Variants in AKAP7 observed in about 807,000 individuals in gnomAD.
AKAP7 encodes the protein A kinase (PRKA) anchor protein 7.
AKAP7 carries 39 observed loss-of-function variants against 39.5 expected under a neutral mutation model. The ratio of observed to expected loss-of-function variants is 0.99; its 90% CI spans 0.76 to 1.29. The LOEUF (loss-of-function observed/expected upper bound fraction) is 1.29, where lower values mean the gene tolerates loss of function less well. Among genes scored for constraint, AKAP7 ranks in the 50% most tolerant of loss-of-function variants. AKAP7 has a pLI of 0.00. For synonymous variants in AKAP7, 140 were observed against 139.1 expected (o/e 1.01, Z -0.05); for missense variants, 414 against 407.7 (o/e 1.02, Z -0.13).
intron 7 of AKAP7, among the ~76,000 whole-genome samples, chr6:131,220,269 T>C (rs561039289): frequency 6.6e-6 from 1 of 152,246 alleles, no homozygotes; most frequent in African/African-American, 2.4e-5. Context: ...CTTTCTTCCC[T>C]AAAAAAGATG....
At position 131,281,138 on chromosome 6, in the gene AKAP7, T is replaced by G. The variant is rs1427076318; in HGVS notation, c.851-392T>G. 6.6e-6 allele frequency among the ~76,000 whole-genome samples: 1 copy of G among 152,214 alleles called. No individual in the cohort carries two copies. The highest frequency in any genetic ancestry group is 1.9e-4 in the East Asian group (1 of 5,198). Reference sequence around the variant, plus strand: ...CTAGGGAAATCTTGATGACCTGATATTTGATATTCGAGAATGAGAAGCAGA... The same window carrying G: ...CTAGGGAAATCTTGATGACCTGATAGTTGATATTCGAGAATGAGAAGCAGA... On this transcript the variant is annotated intron_variant, in intron 7 of 7. Coordinates refer to ENST00000431975, the MANE Select transcript of AKAP7 (RefSeq NM_016377.4). The surrounding 1 kb of genome is among the most constrained non-coding windows in gnomAD (Gnocchi z 4.0).
chr6:131,281,100 A>G lies in AKAP7; in HGVS notation c.851-430A>G, dbSNP rs1815158846. Among the ~76,000 whole-genome samples the G allele has an allele frequency of 6.6e-6, 1 of 152,220 alleles. No homozygotes were observed. Among genetic ancestry groups the G allele is most frequent in the Non-Finnish European group, 1.5e-5 (1 of 68,034 alleles). On this transcript the variant is annotated intron_variant, in intron 7 of 7. Coordinates refer to ENST00000431975, the MANE Select transcript of AKAP7 (RefSeq NM_016377.4). The surrounding 1 kb of genome is among the most constrained non-coding windows in gnomAD (Gnocchi z 4.0). ...CAAGCATTTTTAAATTAGTGATCTT[A>G]AGTAATGAGATGCTAGGGAAATCTT...
intron 6 of AKAP7, among the ~76,000 whole-genome samples, chr6:131,202,939 G>C (rs891456446): frequency 6.6e-6 from 1 of 151,988 alleles, no homozygotes; most frequent in Non-Finnish European, 1.5e-5. Context: ...CAAGTCAGCC[G>C]GCGTACTGGT....
intron 6 of AKAP7, among the ~76,000 whole-genome samples, chr6:131,212,383 T>A (rs1002412461): frequency 6.6e-6 from 1 of 152,228 alleles, no homozygotes; most frequent in Non-Finnish European, 1.5e-5. Flanking sequence ...GGGCTACACA[T>A]GATTCTTGGG....
chr6:131,164,155 A>G (rs1803246733), intron 3 of AKAP7, among the ~76,000 whole-genome samples: 1 of 151,712 alleles, frequency 6.6e-6, no homozygotes, highest in Non-Finnish European at 1.5e-5. Flanking sequence ...CTGCTTTTTT[A>G]TGGATTCTGC....
At chr6:131,175,097 T>C (rs1804448325) in intron 5 of AKAP7, among the ~76,000 whole-genome samples, 1 of 152,210 alleles carries the variant, frequency 6.6e-6, no homozygotes, top group South Asian at 2.1e-4. Flanking sequence ...AAGAAGATGC[T>C]ATTAAGAGAA....
chr6:131,240,089 T>C (rs946826420), intron 7 of AKAP7, among the ~76,000 whole-genome samples: 1 of 152,246 alleles, frequency 6.6e-6, no homozygotes, highest in Admixed American at 6.5e-5. Context: ...GGTTTTGGTG[T>C]GGATGTCCTT....
chr6:131,189,029 C>T (rs931724770), intron 5 of AKAP7, among the ~76,000 whole-genome samples: 1 of 152,154 alleles, frequency 6.6e-6, no homozygotes, highest in Non-Finnish European at 1.5e-5. Context: ...TGAATGTGCC[C>T]ACAACACTTA....
chr6:131,251,051 A>G (rs1305072473), intron 7 of AKAP7, among the ~76,000 whole-genome samples: 2 of 152,214 alleles, frequency 1.3e-5, no homozygotes. Flanking sequence ...TTCTAAAATG[A>G]CACATATTAG....
At chr6:131,193,656 A>G (rs983231151) in intron 5 of AKAP7, among the ~76,000 whole-genome samples, 9 of 152,136 alleles carry the variant, frequency 5.9e-5, no homozygotes, top group African/African-American at 1.9e-4. Context: ...TGTTTGGTAG[A>G]ATTCAGCAGT....
At chr6:131,250,322 G>T in intron 7 of AKAP7, 1 of 1,306,752 alleles carries the variant, frequency 7.7e-7, no homozygotes, top group Non-Finnish European at 9.8e-7. Flanking sequence ...TTCCTTCACT[G>T]AATGCCAGTC....
chr6:131,135,680 C>G lies in AKAP7; in HGVS notation c.-84C>G, dbSNP rs1192006425. ...CCCCGAGCCCCGCCCTGGCCTCCGCCTCGGCCTCGCCTCCAGCCCCGGGAC... is the reference window on the plus strand; with the variant it reads ...CCCCGAGCCCCGCCCTGGCCTCCGCGTCGGCCTCGCCTCCAGCCCCGGGAC... On this transcript the variant is annotated 5_prime_UTR_variant, in exon 1 of 8. Transcript: ENST00000431975. 6.3e-6 allele frequency: 7 copies of G among 1,107,096 alleles called. No homozygotes were observed. The Admixed American group carries it at 2.5e-4, about 40-fold the overall frequency. 68.6% of individuals were successfully genotyped at this position (1,107,096 alleles called of 1,614,324 possible). A position where few individuals can be genotyped will look rare whatever the true frequency, so the allele number is the denominator to read the frequency against.
At chr6:131,261,758 C>G (rs1813361071) in intron 7 of AKAP7, among the ~76,000 whole-genome samples, 1 of 152,094 alleles carries the variant, frequency 6.6e-6, no homozygotes, top group Non-Finnish European at 1.5e-5. Context: ...TCGTTCATGT[C>G]TTAGTCCGCT....
the AKAP7 span, among the ~76,000 whole-genome samples, chr6:131,128,822 CAAAAA>C: frequency 8.0e-6 from 1 of 125,098 alleles, no homozygotes; most frequent in Non-Finnish European, 1.6e-5. Flanking sequence ...AACTCCATCT[CAAAAA>C]AAAAAAAAAA....
intron 7 of AKAP7, among the ~76,000 whole-genome samples, chr6:131,266,722 T>C (rs937261687): frequency 6.6e-6 from 1 of 151,966 alleles, no homozygotes; most frequent in African/African-American, 2.4e-5. Flanking sequence ...TTTAACGGTG[T>C]GCTCTGTCTC....
intron 7 of AKAP7, among the ~76,000 whole-genome samples, chr6:131,261,402 T>G (rs1813324143): frequency 6.6e-6 from 1 of 152,070 alleles, no homozygotes; most frequent in Admixed American, 6.6e-5. Flanking sequence ...GATAATAAAC[T>G]AAGGTGTAAT....
intron 7 of AKAP7, among the ~76,000 whole-genome samples, chr6:131,272,724 G>A (rs1445011909): frequency 6.6e-6 from 1 of 152,160 alleles, no homozygotes; most frequent in African/African-American, 2.4e-5. Flanking sequence ...TGCATTGGAT[G>A]AGTTCAGTAT....
intron 7 of AKAP7, among the ~76,000 whole-genome samples, chr6:131,220,099 T>C (rs1809568907): frequency 6.6e-6 from 1 of 152,206 alleles, no homozygotes. Context: ...TTTTATTTCA[T>C]GAACATGAAG....
chr6:131,180,833 TG>T (rs56326146), intron 5 of AKAP7, among the ~76,000 whole-genome samples: 22,120 of 111,456 alleles, frequency 0.2, 1,924 homozygotes, highest in Middle Eastern at 0.29. Flanking sequence ...TTGTTTGTTT[TG>T]TTTTTTTTTT....
Sources: allele counts gnomAD v4.1 joint callset (sites outside exome capture counted in the v4.1 genomes callset), GRCh38; gene constraint gnomAD v4.1.1; non-coding constraint Gnocchi (gnomAD v3.1); transcripts MANE v1.5; gene names NCBI Gene and HGNC (gene_info 2026-07-23, HGNC 2026-07-21).